OMA1: variants seen among roughly 807,000 people sequenced by gnomAD.
OMA1 encodes the protein OMA1 zinc metallopeptidase.
Under a neutral mutation model 30.9 loss-of-function variants are expected in OMA1, and 38 were observed. The observed-to-expected ratio is 1.23, with a 90% CI of 0.95 to 1.61. OMA1 has a LOEUF of 1.61. Among genes scored for constraint, OMA1 ranks in the 40% most tolerant of loss-of-function variants. The pLI is 0.00. For synonymous variants in OMA1, 173 were observed against 121.9 expected (o/e 1.42, Z -2.76); for missense variants, 461 against 349.2 (o/e 1.32, Z -2.55).
Position 58,480,987 on chromosome 1 carries a change from A to G in OMA1, c.1553T>C (p.Val518Ala). The G allele has an allele frequency of 1.2e-6, 1 of 869,528 alleles. No individual in the cohort carries two copies. Among genetic ancestry groups the G allele is most frequent in the Non-Finnish European group, 2.0e-6 (1 of 500,366 alleles). 53.9% of individuals were successfully genotyped at this position (869,528 alleles called of 1,614,324 possible). A position where few individuals can be genotyped will look rare whatever the true frequency, so the allele number is the denominator to read the frequency against. The stretch of plus-strand genomic sequence containing the variant: ...AATTCAACTGCCCGTTCTTTTCTCA[A>G]CTATGTATGTTAATGGTATTTGCTC... ...KQEQIPLTYI[V>A]EKRTGS Residue 518 changes from valine (V) to alanine (A), a missense_variant, in exon 9 of 9, where the codon GTT (valine) becomes GCT (alanine). Transcript: ENST00000371226.
chr1:58,508,863 C>A (rs750438719), intron 7 of OMA1, among the ~76,000 whole-genome samples: 3 of 151,912 alleles, frequency 2.0e-5, no homozygotes, highest in Non-Finnish European at 4.4e-5. Flanking sequence ...AGAGGTAGAT[C>A]ACGTGTCCAA....
chr1:58,542,374 A>C (rs1646636084), intron 1 of OMA1: 3 of 152,256 alleles, frequency 2.0e-5, no homozygotes, highest in Admixed American at 6.5e-5. Context: ...TATGCAGCAC[A>C]GAATATAGTC....
chr1:58,534,442 T>C lies in OMA1; in HGVS notation c.730-111A>G, dbSNP rs1646485096. The stretch of plus-strand genomic sequence containing the variant: ...TATTGAACATTTTAAGTTTTAATTA[T>C]ATAAAAATCTGCATATATTAAGCAC... On this transcript the variant is annotated intron_variant, in intron 3 of 8. Transcript: ENST00000371226. The C allele has an allele frequency of 1.0e-5, 6 of 578,110 alleles. No individual in the cohort carries two copies. In the East Asian group the frequency reaches 1.8e-4, roughly 18 times the overall value. The allele number at this position is 578,110 out of a possible 1,614,324, so 35.8% of individuals were successfully genotyped here.
intron 8 of OMA1, among the ~76,000 whole-genome samples, chr1:58,492,245 T>A (rs1050248588): frequency 2.6e-5 from 4 of 151,874 alleles, no homozygotes; most frequent in African/African-American, 9.7e-5. Flanking sequence ...TACCAGAATC[T>A]CTGAGACACA....
rs1056534303 is a variant in OMA1, at chr1:58,539,160, A to G, written c.135T>C (p.His45=). The part of the protein sequence containing the change: ...SRGCHQVQVN[H]IVNKYQGLGV... ...CCAGTCCCTGATACTTATTTACTAT[A>G]TGGTTAACTTGTACTTGATGACAGC... The change falls in exon 2 of 9, where the codon CAT becomes CAC. Residue 45 remains histidine (H), a synonymous_variant. Transcript: ENST00000371226. 1.1e-6 allele frequency: 1 copy of G among 872,954 alleles called. No individual in the cohort carries two copies. The highest frequency in any genetic ancestry group is 2.0e-6 in the Non-Finnish European group (1 of 501,656). The allele number at this position is 872,954 out of a possible 1,614,324, so 54.1% of individuals were successfully genotyped here.
intron 8 of OMA1, among the ~76,000 whole-genome samples, chr1:58,497,240 A>AG (rs1645819138): frequency 6.6e-6 from 1 of 152,134 alleles, no homozygotes; most frequent in African/African-American, 2.4e-5. Context: ...AACAAAAGGG[A>AG]GGGGGGTACT....
At chr1:58,507,571 T>C (rs943903382) in intron 7 of OMA1, among the ~76,000 whole-genome samples, 3 of 152,036 alleles carry the variant, frequency 2.0e-5, no homozygotes, top group African/African-American at 7.2e-5. Flanking sequence ...TGCACAGATA[T>C]GGATATACAT....
chr1:58,499,601 A>G (rs556759780), intron 8 of OMA1, among the ~76,000 whole-genome samples: 17 of 152,134 alleles, frequency 1.1e-4, no homozygotes, highest in Non-Finnish European at 1.6e-4. Context: ...TACTACAGTT[A>G]ATAAAAATGT....
chr1:58,484,164 A>G (rs1193893743), intron 8 of OMA1, among the ~76,000 whole-genome samples: 3 of 152,224 alleles, frequency 2.0e-5, no homozygotes, highest in African/African-American at 7.2e-5. Context: ...CAGAATAGTC[A>G]TGGTCCCTGC....
At chr1:58,542,094 T>C (rs1007742522) in intron 1 of OMA1, among the ~76,000 whole-genome samples, 1 of 152,250 alleles carries the variant, frequency 6.6e-6, no homozygotes, top group African/African-American at 2.4e-5. Context: ...AATTCATACA[T>C]CCTGCCCTTG....
chr1:58,523,018 A>G (rs1477160579), intron 7 of OMA1, among the ~76,000 whole-genome samples: 4 of 152,198 alleles, frequency 2.6e-5, no homozygotes, highest in African/African-American at 9.7e-5. Flanking sequence ...AAAATAAGTC[A>G]AAAGTAGTCT....
chr1:58,492,200 T>C (rs946989496), intron 8 of OMA1, among the ~76,000 whole-genome samples: 6 of 152,216 alleles, frequency 3.9e-5, no homozygotes, highest in Admixed American at 6.5e-5. Flanking sequence ...GAAATAAAGA[T>C]GTTCTTTGAA....
At chr1:58,511,433 A>G (rs1646075115) in intron 7 of OMA1, among the ~76,000 whole-genome samples, 1 of 152,142 alleles carries the variant, frequency 6.6e-6, no homozygotes, top group Non-Finnish European at 1.5e-5. Flanking sequence ...GGATTGCTTG[A>G]GACCAGGAGT....
intron 8 of OMA1, among the ~76,000 whole-genome samples, chr1:58,490,930 C>T (rs546427901): frequency 5.4e-5 from 8 of 149,248 alleles, no homozygotes; most frequent in Non-Finnish European, 1.0e-4. Flanking sequence ...CTCAGCCTTC[C>T]GAGTAGCTGG....
chr1:58,500,413 T>C (rs1645887944), intron 8 of OMA1, among the ~76,000 whole-genome samples: 1 of 152,202 alleles, frequency 6.6e-6, no homozygotes, highest in African/African-American at 2.4e-5. Flanking sequence ...GCTCATGAGA[T>C]GTATAATATT....
intron 8 of OMA1, among the ~76,000 whole-genome samples, chr1:58,485,795 C>G (rs1039412692): frequency 6.6e-6 from 1 of 152,156 alleles, no homozygotes; most frequent in Non-Finnish European, 1.5e-5. Context: ...ACTCCACGCA[C>G]TGCACATAAC....
chr1:58,490,036 TCTC>T, intron 8 of OMA1, among the ~76,000 whole-genome samples: 1 of 152,054 alleles, frequency 6.6e-6, no homozygotes, highest in Non-Finnish European at 1.5e-5. Context: ...TCAGAGTGCC[TCTC>T]CTCCTCCAAA....
chr1:58,526,601 C>CAAAAAAAA (rs10574530), intron 7 of OMA1, among the ~76,000 whole-genome samples: 1 of 121,404 alleles, frequency 8.2e-6, no homozygotes, highest in African/African-American at 3.5e-5. Context: ...CTATGGCTAG[C>CAAAAAAAA]AAAAAAAAAA....
At chr1:58,507,836 T>C (rs1015007356) in intron 7 of OMA1, among the ~76,000 whole-genome samples, 1 of 152,164 alleles carries the variant, frequency 6.6e-6, no homozygotes, top group African/African-American at 2.4e-5. Context: ...GATTAACAAG[T>C]ATTCTTCTCA....
Sources: allele counts gnomAD v4.1 joint callset (sites outside exome capture counted in the v4.1 genomes callset), GRCh38; gene constraint gnomAD v4.1.1; transcripts MANE v1.5; gene names NCBI Gene and HGNC (gene_info 2026-07-23, HGNC 2026-07-21).